The following IQSEC3 variants were observed in gnomAD, a reference collection of about 807,000 sequenced individuals.
IQSEC3 encodes the protein IQ motif and Sec7 domain ArfGEF 3.
A neutral mutation model predicts 105.4 loss-of-function variants in IQSEC3; 50 were observed. The observed-to-expected ratio is 0.47, with a 90% CI of 0.38 to 0.60. The LOEUF (loss-of-function observed/expected upper bound fraction) is 0.60, where lower values mean the gene tolerates loss of function less well. IQSEC3 is among the 20% of genes least tolerant of loss of function. The pLI is 0.00. For synonymous variants in IQSEC3, 708 were observed against 746.0 expected (o/e 0.95, Z 0.83); for missense variants, 1,415 against 1,630.0 (o/e 0.87, Z 2.27).
At chr12:75,230 T>A (rs1863471434) in intron 1 of IQSEC3, among the ~76,000 whole-genome samples, 2 of 152,396 alleles carry the variant, frequency 1.3e-5, no homozygotes, top group Non-Finnish European at 2.9e-5. Flanking sequence ...GGGAGGATAC[T>A]GGGGTAGCAG....
intron 3 of IQSEC3, among the ~76,000 whole-genome samples, chr12:136,190 C>T (rs78532771): frequency 5.9e-5 from 9 of 152,132 alleles, no homozygotes; most frequent in East Asian, 1.9e-4. Flanking sequence ...CATTAATCTG[C>T]GTGAGTTCCA....
At chr12:101,706 T>C (rs1219190143) in intron 2 of IQSEC3, among the ~76,000 whole-genome samples, 1 of 152,168 alleles carries the variant, frequency 6.6e-6, no homozygotes, top group African/African-American at 2.4e-5. Context: ...TGTTTTTGTC[T>C]GTCTGTCTGT....
intron 12 of IQSEC3, 138 bp from the exon 13 acceptor site, chr12:170,974 G>T: frequency 1.0e-6 from 1 of 985,846 alleles, no homozygotes; most frequent in South Asian, 1.5e-5. Flanking sequence ...GTGGCAGAGT[G>T]GGGCTCCCAA....
At chr12:167,978 A>G (rs1555099008) in intron 11 of IQSEC3, among the ~76,000 whole-genome samples, 1 of 152,184 alleles carries the variant, frequency 6.6e-6, no homozygotes, top group African/African-American at 2.4e-5. Flanking sequence ...GAGTAGAAAT[A>G]TTTAGCATTG....
intron 2 of IQSEC3, among the ~76,000 whole-genome samples, chr12:104,622 G>A (rs1216134067): frequency 6.6e-6 from 1 of 152,214 alleles, no homozygotes; most frequent in Non-Finnish European, 1.5e-5. Flanking sequence ...CCCCCTTAGA[G>A]GCCTCCTACC....
rs560826512 is a variant in IQSEC3 at position 174,011 on chromosome 12, C to T, written c.3115-588C>T. On this transcript the variant is annotated intron_variant, in intron 13 of 13. Transcript: ENST00000538872. ...GGGAGCTGACTCTGCCCTCGGCTGT[C>T]TGGGCTGTTCTCGAACGCAGGGTCA... Among the ~76,000 whole-genome samples, 13 of 152,320 alleles carry T rather than the reference C, an allele frequency of 8.5e-5. No individual in the cohort carries two copies. In the East Asian group the frequency reaches 2.5e-3, roughly 29 times the overall value.
chr12:135,047 T>C (rs12304458), intron 3 of IQSEC3, among the ~76,000 whole-genome samples: 192 of 152,284 alleles, frequency 1.3e-3, no homozygotes, highest in African/African-American at 4.4e-3. Flanking sequence ...GGAGAATCGC[T>C]TGAACCCAGG....
intron 3 of IQSEC3, among the ~76,000 whole-genome samples, chr12:128,458 A>G (rs1159878279): frequency 1.3e-5 from 2 of 152,078 alleles, no homozygotes; most frequent in Non-Finnish European, 2.9e-5. Context: ...CTAACACTTG[A>G]TATTCCAACC....
intron 2 of IQSEC3, among the ~76,000 whole-genome samples, chr12:100,382 C>G (rs73601040): frequency 0.062 from 9,368 of 152,276 alleles, 390 homozygotes; most frequent in African/African-American, 0.11. Context: ...GGTTTAAGAT[C>G]CAATGATTCT....
intron 10 of IQSEC3, 31 bp downstream of exon 10, chr12:165,564 G>C: frequency 6.3e-7 from 1 of 1,597,902 alleles, no homozygotes; most frequent in South Asian, 1.1e-5. Flanking sequence ...GTAAGTCTTT[G>C]AGAAGGAATG....
chr12:166,744 G>C (rs1311941576), intron 11 of IQSEC3: 1 of 152,228 alleles, frequency 6.6e-6, no homozygotes, highest in Non-Finnish European at 1.5e-5. Context: ...GGAAAGGCAG[G>C]GAGAGTTTTT....
At chr12:87,760 C>T (rs1288994794) in intron 1 of IQSEC3, among the ~76,000 whole-genome samples, 4 of 152,194 alleles carry the variant, frequency 2.6e-5, no homozygotes, top group South Asian at 2.1e-4. Flanking sequence ...GGGTAAAGAG[C>T]GATAGGGCTT....
chr12:161,287 G>A (rs1477667508), intron 7 of IQSEC3, among the ~76,000 whole-genome samples: 1 of 152,242 alleles, frequency 6.6e-6, no homozygotes, highest in Non-Finnish European at 1.5e-5. Flanking sequence ...AAAGAAACGT[G>A]TTTTCTTGTT....
At chr12:114,159 A>T (rs1284380428) in intron 2 of IQSEC3, among the ~76,000 whole-genome samples, 1 of 152,246 alleles carries the variant, frequency 6.6e-6, no homozygotes, top group Non-Finnish European at 1.5e-5. Flanking sequence ...CGTGCTAGCT[A>T]TGTTAAAGCT....
At chr12:125,410 C>T (rs1024875487) in intron 2 of IQSEC3, among the ~76,000 whole-genome samples, 1 of 152,136 alleles carries the variant, frequency 6.6e-6, no homozygotes, top group Non-Finnish European at 1.5e-5. Flanking sequence ...GCTGCCCCTT[C>T]CCTCTGTCTG....
chr12:161,875 A>ACACC, intron 7 of IQSEC3, 51 bp from the exon 8 acceptor site: 1 of 1,504,720 alleles, frequency 6.6e-7, no homozygotes, highest in Non-Finnish European at 9.0e-7. Flanking sequence ...CAGGGCTCTG[A>ACACC]CACCCTCCCT....
At chr12:103,053 A>G (rs1482604268) in intron 2 of IQSEC3, among the ~76,000 whole-genome samples, 1 of 152,092 alleles carries the variant, frequency 6.6e-6, no homozygotes, top group Non-Finnish European at 1.5e-5. Context: ...CTTTCTCCCC[A>G]GAAAAGATCG....
chr12:156,345 G>A lies in IQSEC3; in HGVS notation c.2154-680G>A, dbSNP rs149381059. Among the ~76,000 whole-genome samples, 315 of 152,304 alleles carry A rather than the reference G, an allele frequency of 2.1e-3. 1 individual carries two copies. The highest frequency in any genetic ancestry group is 7.3e-3 in the African/African-American group (303 of 41,554). ...CCAGAGTCACACCAAGTTCGCAGGA[G>A]GGCCCAGACCAGAATCTGACCCTGC... On this transcript the variant is annotated intron_variant, in intron 5 of 13. Coordinates refer to ENST00000538872, the MANE Select transcript of IQSEC3 (RefSeq NM_001170738.2).
At chr12:135,095 A>T (rs782808732) in intron 3 of IQSEC3, among the ~76,000 whole-genome samples, 1 of 152,132 alleles carries the variant, frequency 6.6e-6, no homozygotes, top group Non-Finnish European at 1.5e-5. Context: ...GTGCCACTGC[A>T]CTCCAGCCTG....
Sources: gnomAD v4.1 joint callset for allele counts (sites outside exome capture counted in the v4.1 genomes callset) on GRCh38, gnomAD v4.1.1 for gene constraint, MANE v1.5 for transcripts, NCBI Gene and HGNC (gene_info 2026-07-23, HGNC 2026-07-21) for gene names.